Variants in SEMA3A observed in about 807,000 individuals in gnomAD.
The protein encoded by SEMA3A is semaphorin 3A, also known as semaphorin-3A.
A neutral mutation model predicts 97.9 loss-of-function variants in SEMA3A; 29 were observed. The ratio of observed to expected loss-of-function variants is 0.30; its 90% CI spans 0.22 to 0.40. The LOEUF is 0.40. SEMA3A is among the 10% of genes least tolerant of loss of function. The pLI, the probability that SEMA3A is intolerant of heterozygous loss-of-function variation, is 1.00. For synonymous variants in SEMA3A, 321 were observed against 323.7 expected, an observed-to-expected ratio of 0.99 and a Z score of 0.09; for missense variants, 763 against 951.3, an observed-to-expected ratio of 0.80 and a Z score of 2.60.
intron 1 of SEMA3A, among the ~76,000 whole-genome samples, chr7:84,150,842 C>A (rs1466615870): frequency 5.3e-5 from 8 of 151,926 alleles, no homozygotes; most frequent in Admixed American, 2.0e-4. Flanking sequence ...ATGGCCCTGT[C>A]TGACAGCTTT....
chr7:84,001,730 G>GA (rs1168604162), intron 12 of SEMA3A, among the ~76,000 whole-genome samples: 3 of 151,846 alleles, frequency 2.0e-5, no homozygotes, highest in African/African-American at 7.3e-5. Flanking sequence ...TTATCATTGA[G>GA]AAAACAAAAT....
intron 4 of SEMA3A, among the ~76,000 whole-genome samples, chr7:84,074,864 C>T (rs1202757404): frequency 1.3e-5 from 2 of 151,976 alleles, no homozygotes; most frequent in African/African-American, 4.8e-5. Flanking sequence ...ACTACAACTA[C>T]AAAGCAACTA....
intron 3 of SEMA3A, chr7:84,306,453 C>G (rs994156719): frequency 6.6e-6 from 1 of 152,084 alleles, no homozygotes; most frequent in African/African-American, 2.4e-5. Context: ...TTTCTCTTAA[C>G]AGTCCCATAC....
chr7:84,216,989 G>T (rs1037910856), intron 3 of SEMA3A, among the ~76,000 whole-genome samples: 1 of 152,146 alleles, frequency 6.6e-6, no homozygotes, highest in African/African-American at 2.4e-5. Flanking sequence ...GCGGATATGC[G>T]ATTCATGTTA....
rs73710491 is a variant in SEMA3A, at chr7:84,460,195, A to G, written c.-246+32265T>C. On this transcript the variant is annotated intron_variant, in intron 1 of 3. Coordinates refer to the SEMA3A transcript ENST00000424555. ...TTTAAACCAATGTAAAGAAATTATT[A>G]TAATCCTGGATGCTTCTTTCTGATA... 1.1e-3 allele frequency among the ~76,000 whole-genome samples: 160 copies of G among 152,334 alleles called. 2 individuals are homozygous for G. Among genetic ancestry groups the G allele is most frequent in the African/African-American group, 3.7e-3 (155 of 41,588 alleles).
chr7:84,040,525 A>G (rs1019297280), intron 6 of SEMA3A, among the ~76,000 whole-genome samples: 2 of 152,144 alleles, frequency 1.3e-5, no homozygotes, highest in Admixed American at 6.6e-5. Flanking sequence ...AGCTGCCGCC[A>G]GAAACTAATT....
At chr7:84,310,393 T>C (rs1801283633) in intron 2 of SEMA3A, among the ~76,000 whole-genome samples, 2 of 151,968 alleles carry the variant, frequency 1.3e-5, no homozygotes, top group Admixed American at 6.6e-5. Context: ...TCACACCATA[T>C]AATTTTTGTT....
chr7:84,164,701 A>C (rs1030319794), intron 1 of SEMA3A, among the ~76,000 whole-genome samples: 2 of 152,188 alleles, frequency 1.3e-5, no homozygotes, highest in Non-Finnish European at 2.9e-5. Context: ...AAATCACTTG[A>C]GAACAGAACA....
intron 4 of SEMA3A, among the ~76,000 whole-genome samples, chr7:84,101,080 A>G (rs1457099055): frequency 3.3e-5 from 5 of 152,052 alleles, no homozygotes; most frequent in African/African-American, 1.2e-4. Flanking sequence ...TCCCCATGGA[A>G]CCCTATGATG....
chr7:84,458,544 T>G (rs191753182), intron 1 of SEMA3A, among the ~76,000 whole-genome samples: 1 of 152,230 alleles, frequency 6.6e-6, no homozygotes, highest in Admixed American at 6.5e-5. Flanking sequence ...TCAACTTGCA[T>G]ACTTTGTGCA....
At chr7:83,973,599 T>C (rs919458815) in intron 15 of SEMA3A, among the ~76,000 whole-genome samples, 1 of 152,128 alleles carries the variant, frequency 6.6e-6, no homozygotes, top group Non-Finnish European at 1.5e-5. Flanking sequence ...TGCTACAAAA[T>C]ACTAAATTTA....
chr7:84,452,726 G>GA, intron 1 of SEMA3A, among the ~76,000 whole-genome samples: 1 of 152,336 alleles, frequency 6.6e-6, no homozygotes, highest in East Asian at 1.9e-4. Flanking sequence ...TGTTGCTGAT[G>GA]AAAGACTGCA....
intron 1 of SEMA3A, among the ~76,000 whole-genome samples, chr7:84,478,707 T>C (rs1779968821): frequency 6.6e-6 from 1 of 151,998 alleles, no homozygotes; most frequent in Admixed American, 6.6e-5. Context: ...AAGTGTTATG[T>C]TTAAAGAAAG....
intron 4 of SEMA3A, among the ~76,000 whole-genome samples, chr7:84,097,205 T>C (rs1397077376): frequency 6.6e-6 from 1 of 152,070 alleles, no homozygotes; most frequent in Admixed American, 6.6e-5. Flanking sequence ...GAAAAGCACT[T>C]AAAAGGATCT....
At chr7:83,988,792 T>G (rs994286493) in intron 12 of SEMA3A, among the ~76,000 whole-genome samples, 1 of 151,714 alleles carries the variant, frequency 6.6e-6, no homozygotes, top group Admixed American at 6.6e-5. Context: ...TATGCAGAGA[T>G]ATAATCTTTA....
intron 2 of SEMA3A, among the ~76,000 whole-genome samples, chr7:84,351,304 A>C (rs1802432743): frequency 6.6e-6 from 1 of 152,090 alleles, no homozygotes; most frequent in Non-Finnish European, 1.5e-5. Context: ...TTTCCTCCAA[A>C]GATGTCACAC....
rs76231424 is a variant in SEMA3A, at chr7:84,294,332, A to G, written c.-83+12875T>C. On this transcript the variant is annotated intron_variant, in intron 3 of 3. Transcript: ENST00000424555. ...TCACTGACCTGAAGGAAGGAAAACT[A>G]TCTCATTACCGCTGTAGTTGGCAGT... Among the ~76,000 whole-genome samples, 830 of 152,140 alleles carry G rather than the reference A, an allele frequency of 5.5e-3. 12 individuals are homozygous for G. Among genetic ancestry groups the G allele is most frequent in the African/African-American group, 0.019 (794 of 41,542 alleles).
At chr7:84,433,803 T>A (rs1740503062) in intron 1 of SEMA3A, among the ~76,000 whole-genome samples, 1 of 152,226 alleles carries the variant, frequency 6.6e-6, no homozygotes, top group Admixed American at 6.5e-5. Flanking sequence ...CATTGTAAGT[T>A]TGATTTGCAT....
At chr7:84,301,887 A>G (rs1009629852) in intron 3 of SEMA3A, among the ~76,000 whole-genome samples, 2 of 152,172 alleles carry the variant, frequency 1.3e-5, no homozygotes, top group Non-Finnish European at 2.9e-5. Flanking sequence ...TTCAAAGTTA[A>G]ACATACACCT....
Sources: allele counts gnomAD v4.1 joint callset (sites outside exome capture counted in the v4.1 genomes callset), GRCh38; gene constraint gnomAD v4.1.1; transcripts MANE v1.5; gene names NCBI Gene and HGNC (gene_info 2026-07-23, HGNC 2026-07-21).